The following CRYBG1 variants were observed in gnomAD, a reference collection of about 807,000 sequenced individuals.
CRYBG1 encodes the protein crystallin beta-gamma domain containing 1.
In CRYBG1, 139 loss-of-function variants were observed where a neutral mutation model predicts 189.2. The observed-to-expected ratio is 0.73, with a 90% CI of 0.64 to 0.85. The LOEUF (loss-of-function observed/expected upper bound fraction) is 0.85. Among genes scored for constraint, CRYBG1 ranks in the 40% least tolerant of loss-of-function variants. The probability of loss-of-function intolerance (pLI) is 0.00; values close to 1 mark genes in which losing one functional copy is unlikely to be tolerated. For missense variants in CRYBG1, 2,611 were observed against 2,675.8 expected (o/e 0.98, Z 0.53); for synonymous variants, 1,023 against 1,017.1 (o/e 1.01, Z -0.11).
At chr6:106,489,764 G>A (rs1772675130) in intron 2 of CRYBG1, among the ~76,000 whole-genome samples, 1 of 138,260 alleles carries the variant, frequency 7.2e-6, no homozygotes, top group Non-Finnish European at 1.5e-5. Flanking sequence ...CTGCACTCCA[G>A]CCTGGGTGAC....
At chr6:106,468,108 G>A (rs1772151047) in intron 2 of CRYBG1, among the ~76,000 whole-genome samples, 1 of 152,166 alleles carries the variant, frequency 6.6e-6, no homozygotes, top group Non-Finnish European at 1.5e-5. Context: ...CACACCAGTA[G>A]AAAGTAAAAA....
At chr6:106,566,978 T>C (rs1440283213) in intron 21 of CRYBG1, among the ~76,000 whole-genome samples, 2 of 152,230 alleles carry the variant, frequency 1.3e-5, no homozygotes, top group African/African-American at 4.8e-5. Flanking sequence ...TGGAAGCTGA[T>C]TCATGTTCAC....
Position 106,520,753 on chromosome 6 carries a change from A to T in CRYBG1, c.3545A>T (p.Asp1182Val). The T allele has an allele frequency of 1.2e-6, 2 of 1,614,172 alleles. No individual in the cohort carries two copies. The highest frequency in any genetic ancestry group is 1.7e-6 in the Non-Finnish European group (2 of 1,180,036). ...SPALHLMQNLDTKSKLRPKRA... is the reference protein window; with the variant it reads ...SPALHLMQNLVTKSKLRPKRA... Reference sequence around the variant, plus strand: ...GCTTTACATTTGATGCAGAACCTTGACACAAAATCCAAACTGAGACCCAAA... The same window carrying T: ...GCTTTACATTTGATGCAGAACCTTGTCACAAAATCCAAACTGAGACCCAAA... The change falls in exon 4 of 22, where the codon GAC becomes GTC. Residue 1182 changes from aspartate (D) to valine (V), a missense_variant. Asp to Val is a radical substitution (Grantham distance 152, BLOSUM62 -3). This residue lies in a region of CRYBG1 where 1,622 missense variants were observed against 1,735.0 expected (regional missense o/e 0.93). Transcript: ENST00000633556.
chr6:106,483,356 T>TTGTGTGTG (rs367865745), intron 2 of CRYBG1, among the ~76,000 whole-genome samples: 5,071 of 132,108 alleles, frequency 0.038, 298 homozygotes, highest in Admixed American at 0.11. Flanking sequence ...TAGTATTCCA[T>TTGTGTGTG]TGTGTGTGTG....
Position 106,411,646 on chromosome 6 carries a change from C to T in CRYBG1, c.174-40048C>T, listed in dbSNP as rs114574394. On this transcript the variant is annotated intron_variant, in intron 1 of 21. Transcript: ENST00000633556. ...GTGAGTTTATTAGGGAGAACTGGCT[C>T]ACTGGATTACACAGTGAAGTCCCAC... Among the ~76,000 whole-genome samples, 629 of 152,256 alleles carry T rather than the reference C, an allele frequency of 4.1e-3. 1 individual carries two copies. Among genetic ancestry groups the T allele is most frequent in the African/African-American group, 0.014 (600 of 41,532 alleles).
In CRYBG1 at chr6:106,511,951, C is replaced by T. The variant is rs1003812670; in HGVS notation, c.834C>T (p.Asp278=). 2 of 1,527,464 alleles carry T rather than the reference C, an allele frequency of 1.3e-6. No homozygotes were observed. The highest frequency in any genetic ancestry group is 1.4e-5 in the African/African-American group (1 of 72,838). 94.6% of individuals were successfully genotyped at this position (1,527,464 alleles called of 1,614,324 possible). ...AETPARSPGE[D]ASPGAGHEQE... is the part of the protein sequence containing the mutation. ...CGCCCGCCCGCAGTCCGGGGGAGGACGCTTCACCAGGTGCTGGCCACGAAC... is the reference window on the plus strand; with the variant it reads ...CGCCCGCCCGCAGTCCGGGGGAGGATGCTTCACCAGGTGCTGGCCACGAAC... Residue 278 remains aspartate, a synonymous_variant, in exon 3 of 22, where the codon GAC becomes GAT. Coordinates refer to ENST00000633556, the MANE Select transcript of CRYBG1 (RefSeq NM_001371242.2).
Position 106,378,405 on chromosome 6 carries a change from C to T in CRYBG1, c.173+17324C>T, listed in dbSNP as rs140300074. ...GTGGGGCCTGTAGATCCCATCACTGCCACTGCTCAGGGCTCGGTCCTCGGC... is the reference window on the plus strand; with the variant it reads ...GTGGGGCCTGTAGATCCCATCACTGTCACTGCTCAGGGCTCGGTCCTCGGC... On this transcript the variant is annotated intron_variant, in intron 1 of 21. Transcript: ENST00000633556. Among the ~76,000 whole-genome samples the T allele has an allele frequency of 6.8e-3, 1,029 of 152,344 alleles. 1 individual carries two copies. Among genetic ancestry groups the T allele is most frequent in the Middle Eastern group, 0.017 (5 of 294 alleles).
chr6:106,549,981 A>ACC (rs1774359278), intron 13 of CRYBG1, among the ~76,000 whole-genome samples: 3 of 152,234 alleles, frequency 2.0e-5, no homozygotes, highest in African/African-American at 4.8e-5. Context: ...TCACAAAGCA[A>ACC]GGAGAGCCTG....
chr6:106,475,126 G>T (rs1181555), intron 2 of CRYBG1, among the ~76,000 whole-genome samples: 69,815 of 151,920 alleles, frequency 0.46, 17,172 homozygotes, highest in South Asian at 0.67. Context: ...ACTTTTAGGT[G>T]TTCAGAATAA....
intron 2 of CRYBG1, among the ~76,000 whole-genome samples, chr6:106,509,926 G>A (rs1773211440): frequency 6.7e-6 from 1 of 150,170 alleles, no homozygotes; most frequent in Admixed American, 6.6e-5. Context: ...CTATGTTACA[G>A]TACCAGGACT....
At chr6:106,513,161 T>G in intron 3 of CRYBG1, 122 bp downstream of exon 3, 2 of 1,243,318 alleles carry the variant, frequency 1.6e-6, no homozygotes, top group South Asian at 1.5e-5. Context: ...TTCCCCTCCA[T>G]GCTGAACTTA....
Position 106,453,860 on chromosome 6 carries a change from C to T in CRYBG1, c.312+2028C>T, listed in dbSNP as rs552421880. 6.6e-5 allele frequency among the ~76,000 whole-genome samples: 10 copies of T among 152,220 alleles called. No homozygotes were observed. The South Asian group carries it at 8.3e-4, about 13-fold the overall frequency. On this transcript the variant is annotated intron_variant, in intron 2 of 21. Coordinates refer to ENST00000633556, the MANE Select transcript of CRYBG1 (RefSeq NM_001371242.2). ...GGCCAGTTGGTATACCTGGGAGAGGCGGAGGCTTGAAGCCGCAGATGAACT... is the reference window on the plus strand; with the variant it reads ...GGCCAGTTGGTATACCTGGGAGAGGTGGAGGCTTGAAGCCGCAGATGAACT...
At chr6:106,434,680 T>C (rs1283399628) in intron 1 of CRYBG1, among the ~76,000 whole-genome samples, 1 of 152,222 alleles carries the variant, frequency 6.6e-6, no homozygotes, top group Non-Finnish European at 1.5e-5. Flanking sequence ...TCTCCCATTG[T>C]AGCAGTAAAG....
chr6:106,525,608 A>G (rs1303951389), intron 6 of CRYBG1, among the ~76,000 whole-genome samples: 1 of 152,244 alleles, frequency 6.6e-6, no homozygotes, highest in East Asian at 1.9e-4. Context: ...AAATCAGAAC[A>G]ATACAGTAGA....
intron 2 of CRYBG1, among the ~76,000 whole-genome samples, chr6:106,482,685 G>C: frequency 6.6e-6 from 1 of 152,170 alleles, no homozygotes. Context: ...TGAGGCAGTA[G>C]AATGGCATGA....
intron 2 of CRYBG1, among the ~76,000 whole-genome samples, chr6:106,509,701 C>G (rs560195038): frequency 1.9e-4 from 29 of 152,134 alleles, no homozygotes; most frequent in Non-Finnish European, 3.7e-4. Context: ...TCTCGGGTGG[C>G]GGCAGAACCT....
chr6:106,451,924 T>G, intron 2 of CRYBG1, 92 bp downstream of exon 2: 1 of 1,007,596 alleles, frequency 9.9e-7, no homozygotes, highest in Non-Finnish European at 1.4e-6. Context: ...AACACATACT[T>G]AAAAGTAATG....
chr6:106,503,764 C>A (rs1013326220), intron 2 of CRYBG1, among the ~76,000 whole-genome samples: 1 of 152,094 alleles, frequency 6.6e-6, no homozygotes, highest in Non-Finnish European at 1.5e-5. Context: ...TTGTCTCTGT[C>A]AAAGTATAAA....
intron 1 of CRYBG1, among the ~76,000 whole-genome samples, chr6:106,389,853 T>C (rs568824385): frequency 6.6e-6 from 1 of 152,088 alleles, no homozygotes. Context: ...GTTTCTGTTG[T>C]ATTGTGATGT....
Sources: allele counts gnomAD v4.1 joint callset (sites outside exome capture counted in the v4.1 genomes callset), GRCh38; gene constraint gnomAD v4.1.1; regional missense constraint gnomAD v4.1.1; transcripts MANE v1.5; gene names NCBI Gene and HGNC (gene_info 2026-07-23, HGNC 2026-07-21).